Variants in IMPG2 observed in about 807,000 individuals in gnomAD.
IMPG2 encodes interphotoreceptor matrix proteoglycan 2, also known as IPM 200.
A neutral mutation model predicts 129.2 loss-of-function variants in IMPG2; 91 were observed. That is an observed-to-expected ratio of 0.70 (90% CI 0.59 to 0.84). IMPG2 has a LOEUF of 0.84. IMPG2 is among the 40% of genes least tolerant of loss of function. IMPG2 has a pLI of 0.00. For missense variants in IMPG2, 1,430 were observed against 1,461.7 expected, an observed-to-expected ratio of 0.98 and a Z score of 0.35; for synonymous variants, 510 against 517.7, an observed-to-expected ratio of 0.99 and a Z score of 0.20.
intron 3 of IMPG2, 146 bp from the exon 4 acceptor site, chr3:101,291,656 G>C (rs948426563): frequency 1.5e-6 from 1 of 673,918 alleles, no homozygotes; most frequent in African/African-American, 1.8e-5. Flanking sequence ...ATTAAAACAG[G>C]TAATAATGAT....
intron 7 of IMPG2, among the ~76,000 whole-genome samples, chr3:101,270,189 A>G (rs1200581328): frequency 6.6e-6 from 1 of 151,936 alleles, no homozygotes; most frequent in Non-Finnish European, 1.5e-5. Context: ...CACCTGCCTC[A>G]GCCTCCCGAA....
chr3:101,264,327 A>G (rs1392946972), intron 9 of IMPG2, among the ~76,000 whole-genome samples: 1 of 152,074 alleles, frequency 6.6e-6, no homozygotes, highest in Non-Finnish European at 1.5e-5. Flanking sequence ...ATCAAATCCA[A>G]TAGCCCCTCA....
chr3:101,243,465 G>T, intron 13 of IMPG2, 64 bp downstream of exon 13: 1 of 1,403,202 alleles, frequency 7.1e-7, no homozygotes, highest in Non-Finnish European at 1.0e-6. Context: ...ATGTGCTAGA[G>T]GGGAGGAGGA....
rs774252866 is a variant in IMPG2, at chr3:101,246,085, T to C, written c.1260A>G (p.Ala420=). ...SSILDNTFQA[A]WPSADESITS... ...TGATGGATTCATCTGCTGAGGGCCA[T>C]GCAGCTTGAAAGGTATTATCCTGGG... Residue 420 remains alanine (A), a synonymous_variant, in exon 12 of 19, where the codon GCA becomes GCG. Coordinates refer to ENST00000193391, the MANE Select transcript of IMPG2 (RefSeq NM_016247.4). The C allele has an allele frequency of 6.2e-7, 1 of 1,614,050 alleles. No homozygotes were observed. The highest frequency in any genetic ancestry group is 2.2e-5 in the East Asian group (1 of 44,874).
chr3:101,252,284 G>A (rs751093105), intron 11 of IMPG2, among the ~76,000 whole-genome samples: 11 of 152,082 alleles, frequency 7.2e-5, no homozygotes, highest in Non-Finnish European at 1.6e-4. Context: ...CCCAAGCTGC[G>A]TGTCTATAGT....
intron 2 of IMPG2, among the ~76,000 whole-genome samples, chr3:101,306,537 G>T (rs982829972): frequency 6.6e-6 from 1 of 152,040 alleles, no homozygotes; most frequent in Admixed American, 6.5e-5. Context: ...TTAAAACTTC[G>T]AAATGAAAAT....
intron 4 of IMPG2, among the ~76,000 whole-genome samples, chr3:101,286,492 C>A (rs191532249): frequency 3.9e-5 from 6 of 152,210 alleles, no homozygotes; most frequent in Admixed American, 6.5e-5. Flanking sequence ...AATTCTATGA[C>A]AAGATAATGA....
intron 9 of IMPG2, among the ~76,000 whole-genome samples, chr3:101,264,224 C>T (rs1246872848): frequency 4.0e-5 from 6 of 151,896 alleles, no homozygotes; most frequent in African/African-American, 1.4e-4. Flanking sequence ...TTAATTATTC[C>T]AAAACAAGAC....
At chr3:101,246,191 C>T in intron 11 of IMPG2, 86 bp from the exon 12 acceptor site, 1 of 1,294,838 alleles carries the variant, frequency 7.7e-7, no homozygotes, top group Non-Finnish European at 1.1e-6. Context: ...TGTCTATATT[C>T]CCAGATCTTC....
intron 2 of IMPG2, among the ~76,000 whole-genome samples, chr3:101,314,842 A>C (rs1190549896): frequency 6.6e-6 from 1 of 152,180 alleles, no homozygotes; most frequent in Non-Finnish European, 1.5e-5. Flanking sequence ...AGAAGACTCA[A>C]TATAGGTTGA....
chr3:101,229,768 T>C (rs1251169932), intron 16 of IMPG2, among the ~76,000 whole-genome samples, 178 bp from the exon 17 acceptor site: 3 of 152,218 alleles, frequency 2.0e-5, no homozygotes, highest in Non-Finnish European at 2.9e-5. Context: ...GGTGTTATCA[T>C]TATGATTTCC....
chr3:101,307,761 C>T (rs977942755), intron 2 of IMPG2, among the ~76,000 whole-genome samples: 1 of 152,116 alleles, frequency 6.6e-6, no homozygotes, highest in African/African-American at 2.4e-5. Flanking sequence ...ATCTCATGTC[C>T]TCACATTTCA....
At chr3:101,228,372 A>G (rs1040294285) in intron 18 of IMPG2, among the ~76,000 whole-genome samples, 1 of 152,226 alleles carries the variant, frequency 6.6e-6, no homozygotes, top group Non-Finnish European at 1.5e-5. Flanking sequence ...TCTTCAAAGG[A>G]ACTATCTATG....
Position 101,301,447 on chromosome 3 carries a change from G to A in IMPG2, c.501+2699C>T, listed in dbSNP as rs866246128. ...CAGCACAATAAAATAAAGTATGCCC[G>A]CACTAAGTCCAAAATGGTGATTCCT... On this transcript the variant is annotated intron_variant, in intron 3 of 18. Coordinates refer to ENST00000193391, the MANE Select transcript of IMPG2 (RefSeq NM_016247.4). Among the ~76,000 whole-genome samples, 33 of 152,214 alleles carry A rather than the reference G, an allele frequency of 2.2e-4. 1 individual carries two copies. Among genetic ancestry groups the A allele is most frequent in the Middle Eastern group, 3.4e-3 (1 of 294 alleles).
intron 3 of IMPG2, 120 bp downstream of exon 3, chr3:101,304,026 G>T: frequency 2.9e-6 from 3 of 1,025,586 alleles, no homozygotes; most frequent in Non-Finnish European, 3.0e-6. Context: ...TACTCAGATA[G>T]CCCAATTCAA....
chr3:101,263,150 A>G (rs757944326), intron 9 of IMPG2, among the ~76,000 whole-genome samples: 53 of 152,142 alleles, frequency 3.5e-4, no homozygotes, highest in Admixed American at 1.3e-3. Context: ...ATCTAGAAAG[A>G]AAAATCAACA....
chr3:101,241,602 G>C (rs1272385070), intron 14 of IMPG2, among the ~76,000 whole-genome samples: 1 of 152,112 alleles, frequency 6.6e-6, no homozygotes, highest in Non-Finnish European at 1.5e-5. Context: ...GAGAGATCAT[G>C]GTGATTTGGA....
In IMPG2 at chr3:101,236,451, C is replaced by T. The variant is rs192560900; in HGVS notation, c.3023-3460G>A. ...AACAGCTCCAGTCTGCAGCTCCCAGCGAGATCAATGCAGAAGGTGGGTGAT... is the reference window on the plus strand; with the variant it reads ...AACAGCTCCAGTCTGCAGCTCCCAGTGAGATCAATGCAGAAGGTGGGTGAT... On this transcript the variant is annotated intron_variant, in intron 14 of 18. Transcript: ENST00000193391. Among the ~76,000 whole-genome samples, 379 of 152,262 alleles carry T rather than the reference C, an allele frequency of 2.5e-3. No individual in the cohort carries two copies. In the Middle Eastern group the frequency reaches 0.027, roughly 11 times the overall value.
chr3:101,288,642 G>A (rs186928909), intron 4 of IMPG2, among the ~76,000 whole-genome samples: 55 of 152,240 alleles, frequency 3.6e-4, no homozygotes, highest in African/African-American at 1.3e-3. Context: ...TAAGTGAGAG[G>A]TAAACATTGA....
Sources: gnomAD v4.1 joint callset for allele counts (sites outside exome capture counted in the v4.1 genomes callset) on GRCh38, gnomAD v4.1.1 for gene constraint, MANE v1.5 for transcripts, NCBI Gene and HGNC (gene_info 2026-07-23, HGNC 2026-07-21) for gene names.